GEMIN7: variants seen among roughly 807,000 people sequenced by gnomAD.
GEMIN7 encodes gem-associated protein 7.
GEMIN7 carries 7 observed loss-of-function variants against 7.8 expected under a neutral mutation model. The ratio of observed to expected loss-of-function variants is 0.90; its 90% CI spans 0.51 to 1.69. GEMIN7 has a LOEUF of 1.69. Among genes scored for constraint, GEMIN7 ranks in the 40% most tolerant of loss-of-function variants. The pLI is 0.00. For missense variants in GEMIN7, 159 were observed against 176.2 expected (o/e 0.90, Z 0.55); for synonymous variants, 68 against 72.4 (o/e 0.94, Z 0.31).
rs1300106216 is a variant in GEMIN7, at chr19:45,090,628, C to G, written c.*118C>G. On this transcript the variant is annotated 3_prime_UTR_variant, in exon 3 of 3. Transcript: ENST00000270257. ...TATGAGCTCCCTTGGAATTTTGAGCCAAGCTTTAAGCAAGTCTGGACTCCT... is the reference window on the plus strand; with the variant it reads ...TATGAGCTCCCTTGGAATTTTGAGCGAAGCTTTAAGCAAGTCTGGACTCCT... The G allele has an allele frequency of 2.9e-6, 3 of 1,040,264 alleles. No individual in the cohort carries two copies. The African/African-American group carries it at 4.8e-5, about 17-fold the overall frequency. The allele number at this position is 1,040,264 out of a possible 1,614,324, so 64.4% of individuals were successfully genotyped here. A position where few individuals can be genotyped will look rare whatever the true frequency, so the allele number is the denominator to read the frequency against.
At chr19:45,076,257 G>T (rs140111520), upstream of GEMIN7, 2,650 of 1,502,028 alleles carry the variant, frequency 1.8e-3, 38 homozygotes, top group African/African-American at 0.03. The surrounding 1 kb of genome is among the most constrained non-coding windows in gnomAD (Gnocchi z 4.9). Context: ...GGGGCTGCGC[G>T]TCTGGCTCGG....
chr19:45,076,768 T>C (rs1053261851), upstream of GEMIN7: 9 of 183,624 alleles, frequency 4.9e-5, no homozygotes, highest in African/African-American at 2.1e-4. This position sits in a 1 kb window ranked among gnomAD's most constrained non-coding sequence, Gnocchi z 4.9. Flanking sequence ...ACGTTTCTTA[T>C]TAGGTGCCTG....
chr19:45,089,090 T>C (rs936368529), intron 2 of GEMIN7, among the ~76,000 whole-genome samples: 2 of 151,960 alleles, frequency 1.3e-5, no homozygotes, highest in Non-Finnish European at 2.9e-5. Context: ...TACAGGCGCA[T>C]GACACCACAC....
chr19:45,082,086 G>A (rs1335521663), intron 2 of GEMIN7, among the ~76,000 whole-genome samples: 1 of 152,106 alleles, frequency 6.6e-6, no homozygotes, highest in Non-Finnish European at 1.5e-5. Context: ...AGCAGGCAGA[G>A]GATCCTGAGG....
rs1286083478 is a variant in GEMIN7, at chr19:45,090,734, A to G, written c.*224A>G. 3.5e-6 allele frequency: 2 copies of G among 563,424 alleles called. No individual in the cohort carries two copies. The highest frequency in any genetic ancestry group is 3.0e-5 in the East Asian group (1 of 32,980). The allele number at this position is 563,424 out of a possible 1,614,324, so 34.9% of individuals were successfully genotyped here. A position where few individuals can be genotyped will look rare whatever the true frequency, so the allele number is the denominator to read the frequency against. ...CATTGGAAGGAATGCTCTACCTCAC[A>G]GAACTCTGAACCCTACAGAAATATG... On this transcript the variant is annotated 3_prime_UTR_variant, in exon 3 of 3. Coordinates refer to ENST00000270257, the MANE Select transcript of GEMIN7 (RefSeq NM_024707.3).
chr19:45,081,495 A>AACT (rs939387232), intron 2 of GEMIN7, among the ~76,000 whole-genome samples: 3 of 148,278 alleles, frequency 2.0e-5, no homozygotes, highest in Admixed American at 1.4e-4. Flanking sequence ...ACTATCCCTT[A>AACT]ATTCCATTCA....
intron 2 of GEMIN7, 138 bp from the exon 3 acceptor site, chr19:45,089,969 A>T: frequency 1.2e-6 from 1 of 866,684 alleles, no homozygotes. Context: ...GATGGCACAG[A>T]TTTTAGGAGG....
chr19:45,086,457 G>T (rs1381631198), intron 2 of GEMIN7, among the ~76,000 whole-genome samples: 1 of 152,110 alleles, frequency 6.6e-6, no homozygotes, highest in Non-Finnish European at 1.5e-5. Flanking sequence ...GCACCCACAA[G>T]GCCAGCATTT....
chr19:45,080,176 G>C (rs1967451415), intron 2 of GEMIN7, 147 bp downstream of exon 2: 1 of 152,206 alleles, frequency 6.6e-6, no homozygotes, highest in African/African-American at 2.4e-5. Flanking sequence ...AAGGATAAAG[G>C]CCTCTGGGGC....
rs1345282442 is a variant in GEMIN7 at position 45,090,709 on chromosome 19, C to A, written c.*199C>A. 1.7e-6 allele frequency: 1 copy of A among 591,018 alleles called. No individual in the cohort carries two copies. The highest frequency in any genetic ancestry group is 3.1e-5 in the Admixed American group (1 of 32,784). The allele number at this position is 591,018 out of a possible 1,614,324, so 36.6% of individuals were successfully genotyped here. A position where few individuals can be genotyped will look rare whatever the true frequency, so the allele number is the denominator to read the frequency against. ...TGCAACTCTAGGAATTCTAAGATCCCATTGGAAGGAATGCTCTACCTCACA... is the reference window on the plus strand; with the variant it reads ...TGCAACTCTAGGAATTCTAAGATCCAATTGGAAGGAATGCTCTACCTCACA... On this transcript the variant is annotated 3_prime_UTR_variant, in exon 3 of 3. Transcript: ENST00000270257.
In GEMIN7 at chr19:45,090,704, G is replaced by T. The variant is rs957643277; in HGVS notation, c.*194G>T. ...AATTCTGCAACTCTAGGAATTCTAA[G>T]ATCCCATTGGAAGGAATGCTCTACC... On this transcript the variant is annotated 3_prime_UTR_variant, in exon 3 of 3. Coordinates refer to ENST00000270257, the MANE Select transcript of GEMIN7 (RefSeq NM_024707.3). 5.1e-6 allele frequency: 3 copies of T among 593,606 alleles called. No homozygotes were observed. Among genetic ancestry groups the T allele is most frequent in the Admixed American group, 3.0e-5 (1 of 32,932 alleles). 36.8% of individuals were successfully genotyped at this position (593,606 alleles called of 1,614,324 possible).
chr19:45,076,215 C>T (rs371344912), upstream of GEMIN7: 25 of 1,504,894 alleles, frequency 1.7e-5, no homozygotes, highest in African/African-American at 3.0e-4. This position sits in a 1 kb window ranked among gnomAD's most constrained non-coding sequence, Gnocchi z 4.9. Flanking sequence ...ACACCTCCTT[C>T]GGGGAGAAGG....
chr19:45,088,199 G>A (rs1967768429), intron 2 of GEMIN7, among the ~76,000 whole-genome samples: 1 of 152,068 alleles, frequency 6.6e-6, no homozygotes, highest in South Asian at 2.1e-4. Context: ...GCCCACCTCG[G>A]CCTCCCAAAG....
chr19:45,081,697 G>A (rs1009813196), intron 2 of GEMIN7, among the ~76,000 whole-genome samples: 1 of 151,834 alleles, frequency 6.6e-6, no homozygotes, highest in Non-Finnish European at 1.5e-5. Flanking sequence ...CACGATCTCC[G>A]CTCACTTCAA....
At chr19:45,089,173 C>A (rs1967807799) in intron 2 of GEMIN7, among the ~76,000 whole-genome samples, 1 of 152,062 alleles carries the variant, frequency 6.6e-6, no homozygotes, top group Admixed American at 6.6e-5. Flanking sequence ...AATTCCTGAC[C>A]TCAAGTGATT....
At position 45,084,099 on chromosome 19, in the gene GEMIN7, T is replaced by C. The variant is rs534400844; in HGVS notation, c.-9+4070T>C. Among the ~76,000 whole-genome samples, 3 of 149,362 alleles carry C rather than the reference T, an allele frequency of 2.0e-5. No individual in the cohort carries two copies. In the South Asian group the frequency reaches 6.3e-4, roughly 31 times the overall value. On this transcript the variant is annotated intron_variant, in intron 2 of 2. Transcript: ENST00000270257. ...GGTCGCGGGCACCTGTAATCCCAGC[T>C]ACTTGGGAGGCTGAGTGACGAGAAT...
In GEMIN7 at chr19:45,090,963, A is replaced by C. The variant is rs1163621205; in HGVS notation, c.*453A>C. The C allele has an allele frequency of 5.6e-6, 1 of 178,064 alleles. No homozygotes were observed. Among genetic ancestry groups the C allele is most frequent in the Non-Finnish European group, 1.4e-5 (1 of 73,452 alleles). The allele number at this position is 178,064 out of a possible 1,614,324, so 11.0% of individuals were successfully genotyped here. ...TAATTAACTATACCGACGGGGATGG[A>C]GTCATCTTTAGGGGCTGGTAGGGTG... On this transcript the variant is annotated 3_prime_UTR_variant, in exon 3 of 3. Transcript: ENST00000270257.
chr19:45,075,769 T>A, upstream of GEMIN7: 2 of 1,614,032 alleles, frequency 1.2e-6, no homozygotes, highest in Non-Finnish European at 1.7e-6. Flanking sequence ...CTTCTTGTGG[T>A]CCATGAAGGC....
At chr19:45,077,507 T>C (rs1044588372), upstream of GEMIN7, among the ~76,000 whole-genome samples, 5 of 152,280 alleles carry the variant, frequency 3.3e-5, no homozygotes, top group African/African-American at 1.2e-4. Context: ...TAGAACGGCT[T>C]GTGGACTGTC....
Sources: gnomAD v4.1 joint callset for allele counts (sites outside exome capture counted in the v4.1 genomes callset) on GRCh38, gnomAD v4.1.1 for gene constraint, Gnocchi (gnomAD v3.1) non-coding constraint, MANE v1.5 for transcripts, NCBI Gene and HGNC (gene_info 2026-07-23, HGNC 2026-07-21) for gene names.